Variants in CRHR2 observed in about 807,000 individuals in gnomAD.
The protein encoded by CRHR2 is corticotropin releasing hormone receptor 2.
CRHR2 carries 53 observed loss-of-function variants against 57.9 expected under a neutral mutation model. That is an observed-to-expected ratio of 0.92 (90% CI 0.73 to 1.15). The LOEUF (loss-of-function observed/expected upper bound fraction) is 1.15. Ranked by LOEUF, CRHR2 falls within the 50% of genes most tolerant of loss-of-function variation. The pLI is 0.00. For synonymous variants in CRHR2, 213 were observed against 220.9 expected (o/e 0.96, Z 0.32); for missense variants, 532 against 542.6 (o/e 0.98, Z 0.19).
chr7:30,671,668 G>C (rs939684741), intron 2 of CRHR2, among the ~76,000 whole-genome samples: 7 of 151,302 alleles, frequency 4.6e-5, no homozygotes, highest in Non-Finnish European at 7.4e-5. Context: ...ATAGCCAGGC[G>C]TGGTGGTGTG....
chr7:30,675,651 T>C (rs542003934), intron 2 of CRHR2, among the ~76,000 whole-genome samples: 1 of 152,302 alleles, frequency 6.6e-6, no homozygotes, highest in South Asian at 2.1e-4. Context: ...GCTCAATTTT[T>C]CAAGGCACTG....
chr7:30,692,242 C>T (rs1562811988), intron 1 of CRHR2, among the ~76,000 whole-genome samples: 1 of 152,146 alleles, frequency 6.6e-6, no homozygotes, highest in African/African-American at 2.4e-5. Flanking sequence ...GATGGGAGGT[C>T]GAGTCCCCTC....
At chr7:30,667,424 A>C (rs920030702) in intron 2 of CRHR2, 111 bp from the exon 3 acceptor site, 2 of 761,764 alleles carry the variant, frequency 2.6e-6, no homozygotes, top group African/African-American at 3.5e-5. Context: ...CTCCTAGGGC[A>C]GCAAATACAA....
intron 5 of CRHR2, 96 bp from the exon 6 acceptor site, chr7:30,662,943 A>G: frequency 6.9e-7 from 1 of 1,445,972 alleles, no homozygotes; most frequent in Non-Finnish European, 9.3e-7. Context: ...GGGCTCCCCA[A>G]AGGGGGTTCG....
chr7:30,654,737 C>T, intron 11 of CRHR2: 1 of 1,536,282 alleles, frequency 6.5e-7, no homozygotes, highest in Non-Finnish European at 8.7e-7. Context: ...AAGCTTCCTT[C>T]TGTCACCACC....
At chr7:30,685,171 C>T (rs965830095), upstream of CRHR2, among the ~76,000 whole-genome samples, 2 of 152,198 alleles carry the variant, frequency 1.3e-5, no homozygotes, top group Non-Finnish European at 2.9e-5. Context: ...ATCCCATGGC[C>T]CACCTCTGAT....
At chr7:30,664,847 G>A (rs1185240095) in intron 5 of CRHR2, among the ~76,000 whole-genome samples, 1 of 152,028 alleles carries the variant, frequency 6.6e-6, no homozygotes, top group East Asian at 1.9e-4. Flanking sequence ...AGAGCAGAGG[G>A]GATCTGTTCT....
intron 1 of CRHR2, chr7:30,699,836 C>G (rs894826984): frequency 2.5e-6 from 2 of 790,472 alleles, no homozygotes; most frequent in Non-Finnish European, 3.8e-6. Context: ...CAAGGATCCC[C>G]GATCCAGCCC....
At chr7:30,679,264 C>A (rs146667366) in intron 2 of CRHR2, among the ~76,000 whole-genome samples, 4 of 152,330 alleles carry the variant, frequency 2.6e-5, no homozygotes, top group South Asian at 4.1e-4. Flanking sequence ...AAGCTCTCCT[C>A]GCAAACCGAA....
intron 11 of CRHR2, chr7:30,654,600 C>T (rs1584076126): frequency 7.3e-7 from 1 of 1,361,892 alleles, no homozygotes; most frequent in Non-Finnish European, 9.9e-7. Context: ...TCACGGCCGC[C>T]TGACTCCCCA....
chr7:30,690,024 T>C (rs915908445), intron 1 of CRHR2, among the ~76,000 whole-genome samples: 1 of 151,960 alleles, frequency 6.6e-6, no homozygotes, highest in African/African-American at 2.4e-5. Flanking sequence ...ATCCAAAAGA[T>C]AGAAAAGCAC....
chr7:30,658,848 A>G (rs1274691539), intron 8 of CRHR2, among the ~76,000 whole-genome samples: 1 of 152,214 alleles, frequency 6.6e-6, no homozygotes, highest in East Asian at 1.9e-4. Context: ...AACCAGAAAT[A>G]AGTGAGTGTC....
upstream of CRHR2, chr7:30,686,473 G>C: frequency 6.6e-7 from 1 of 1,525,586 alleles, no homozygotes; most frequent in Non-Finnish European, 8.8e-7. Flanking sequence ...GCATATGTGT[G>C]TGTGTTGCAT....
intron 8 of CRHR2, 41 bp downstream of exon 8, chr7:30,660,532 C>T (rs1316439626): frequency 2.5e-5 from 38 of 1,547,730 alleles, no homozygotes; most frequent in Admixed American, 2.0e-4. Flanking sequence ...CTTCTGTCCT[C>T]TTGGCACCCA....
Position 30,655,932 on chromosome 7 carries a change from C to T in CRHR2, c.912G>A (p.Gln304=), listed in dbSNP as rs1783771577. 3 of 1,613,952 alleles carry T rather than the reference C, an allele frequency of 1.9e-6. No homozygotes were observed. Among genetic ancestry groups the T allele is most frequent in the Non-Finnish European group, 2.5e-6 (3 of 1,179,900 alleles). ...CAAGGGACCCCCTCACATACCTGTA[C>T]TGGATTGTCTCGGATGTGGTGGACG... is the stretch of plus-strand genomic sequence containing the variant. ...LRASTTSETI[Q]YRKAVKATLV... The change falls in exon 9 of 12, where the codon CAG becomes CAA. Residue 304 remains glutamine, a synonymous_variant. Coordinates refer to ENST00000471646, the MANE Select transcript of CRHR2 (RefSeq NM_001883.5).
chr7:30,666,523 C>T (rs543949695), intron 3 of CRHR2, among the ~76,000 whole-genome samples: 2 of 152,334 alleles, frequency 1.3e-5, no homozygotes, highest in East Asian at 3.9e-4. Context: ...GGCCCCCCTG[C>T]CCATTGAGTG....
intron 10 of CRHR2, 30 bp downstream of exon 10, chr7:30,655,550 G>C (rs368694999): frequency 5.6e-6 from 9 of 1,597,670 alleles, no homozygotes; most frequent in Middle Eastern, 1.7e-4. Flanking sequence ...AAAGCTCACT[G>C]TGGGGCCCCC....
chr7:30,689,692 G>A (rs936069063), intron 1 of CRHR2, among the ~76,000 whole-genome samples: 6 of 152,228 alleles, frequency 3.9e-5, no homozygotes, highest in Admixed American at 1.3e-4. Context: ...CCTGGCTGGG[G>A]GAACTGATGG....
chr7:30,654,812 A>C, intron 11 of CRHR2: 1 of 1,539,260 alleles, frequency 6.5e-7, no homozygotes, highest in Non-Finnish European at 8.7e-7. Flanking sequence ...CCCAGCTCTG[A>C]GTGCACATGT....
Sources: gnomAD v4.1 joint callset for allele counts (sites outside exome capture counted in the v4.1 genomes callset) on GRCh38, gnomAD v4.1.1 for gene constraint, MANE v1.5 for transcripts, NCBI Gene and HGNC (gene_info 2026-07-23, HGNC 2026-07-21) for gene names.